Variants in DYNC2I1 observed in about 807,000 individuals in gnomAD.
DYNC2I1 encodes dynein 2 intermediate chain 1, also known as cytoplasmic dynein 2 intermediate chain 1.
A neutral mutation model predicts 133.4 loss-of-function variants in DYNC2I1; 89 were observed. The observed-to-expected ratio is 0.67, with a 90% CI of 0.56 to 0.80. DYNC2I1 has a LOEUF of 0.80. Among genes scored for constraint, DYNC2I1 ranks in the 30% least tolerant of loss-of-function variants. The probability of loss-of-function intolerance (pLI) is 0.00; values close to 1 mark genes in which losing one functional copy is unlikely to be tolerated. For missense variants in DYNC2I1, 1,291 were observed against 1,314.5 expected, an observed-to-expected ratio of 0.98 and a Z score of 0.28; for synonymous variants, 504 against 484.3, an observed-to-expected ratio of 1.04 and a Z score of -0.54.
intron 23 of DYNC2I1, among the ~76,000 whole-genome samples, chr7:158,935,158 G>A (rs758166756): frequency 6.6e-6 from 1 of 152,210 alleles, no homozygotes; most frequent in Admixed American, 6.5e-5. Flanking sequence ...AATGTTCAGA[G>A]TCTTGAACCT....
chr7:158,911,267 T>C (rs1332174885), intron 11 of DYNC2I1, among the ~76,000 whole-genome samples: 1 of 152,140 alleles, frequency 6.6e-6, no homozygotes. Context: ...TTGTGTTAGC[T>C]CAGGCATACG....
At chr7:158,910,413 C>T (rs113473578) in intron 11 of DYNC2I1, among the ~76,000 whole-genome samples, 5 of 82,418 alleles carry the variant, frequency 6.1e-5, no homozygotes, top group Admixed American at 1.4e-4. Flanking sequence ...CCTGTGGGAG[C>T]GCGATTGGCT....
rs889967130 is a variant in DYNC2I1 at position 158,856,587 on chromosome 7, G to T, written c.-149G>T. 2.3e-5 allele frequency: 18 copies of T among 794,468 alleles called. No individual in the cohort carries two copies. The highest frequency in any genetic ancestry group is 4.4e-5 in the Admixed American group (1 of 22,970). The allele number at this position is 794,468 out of a possible 1,614,324, so 49.2% of individuals were successfully genotyped here. ...GAGGCCGCAGGGCACGCTGGGCAGT[G>T]CTTCTGGGCCCTCTGCTGCTCCTGC... On this transcript the variant is annotated 5_prime_UTR_variant, in exon 1 of 25. Transcript: ENST00000407559.
intron 5 of DYNC2I1, among the ~76,000 whole-genome samples, chr7:158,881,717 T>G (rs911159364): frequency 2.6e-5 from 4 of 152,196 alleles, no homozygotes; most frequent in Admixed American, 6.5e-5. Context: ...CCTCCCAAAG[T>G]GCTGGGATTA....
chr7:158,926,565 G>A lies in DYNC2I1; in HGVS notation c.2433+102G>A, dbSNP rs1313552572. On this transcript the variant is annotated intron_variant, in intron 19 of 24. Coordinates refer to ENST00000407559, the MANE Select transcript of DYNC2I1 (RefSeq NM_018051.5). Reference sequence around the variant, plus strand: ...AGGGGGCGGGACCCAGTTAGCTGTGGTGGGAAACGGAGAGCAAGACTGGGC... The same window carrying A: ...AGGGGGCGGGACCCAGTTAGCTGTGATGGGAAACGGAGAGCAAGACTGGGC... 3.9e-6 allele frequency: 5 copies of A among 1,283,944 alleles called. No homozygotes were observed. In the African/African-American group the frequency reaches 6.0e-5, roughly 15 times the overall value. 79.5% of individuals were successfully genotyped at this position (1,283,944 alleles called of 1,614,324 possible).
At chr7:158,912,678 T>G (rs1366785156) in intron 12 of DYNC2I1, among the ~76,000 whole-genome samples, 1 of 152,224 alleles carries the variant, frequency 6.6e-6, no homozygotes, top group Non-Finnish European at 1.5e-5. Context: ...CTGAAGCATG[T>G]ACCTTTTGAA....
intron 7 of DYNC2I1, among the ~76,000 whole-genome samples, 184 bp downstream of exon 7, chr7:158,887,259 T>G (rs901176680): frequency 2.0e-5 from 3 of 148,000 alleles, no homozygotes; most frequent in Admixed American, 6.9e-5. Flanking sequence ...GCAAATTGAT[T>G]GAAAGTAAAA....
At position 158,887,076 on chromosome 7, in the gene DYNC2I1, G is replaced by A. The variant is rs1563114276; in HGVS notation, c.990+1G>A. ...AAAAGATAAAGATTCAAGACGGAAG[G>A]TAAGGCAGTCTCCACTGAGAATACA... On this transcript the variant is annotated splice_donor_variant, in intron 7 of 24. Coordinates refer to ENST00000407559, the MANE Select transcript of DYNC2I1 (RefSeq NM_018051.5). LOFTEE classifies it high-confidence loss of function. The A allele has an allele frequency of 6.2e-7, 1 of 1,613,372 alleles. No individual in the cohort carries two copies. The highest frequency in any genetic ancestry group is 1.7e-5 in the Admixed American group (1 of 59,998).
intron 8 of DYNC2I1, among the ~76,000 whole-genome samples, chr7:158,895,126 TACAGA>T (rs956693778): frequency 2.0e-5 from 3 of 152,242 alleles, no homozygotes; most frequent in Admixed American, 6.5e-5. Flanking sequence ...CATTGTCTCT[TACAGA>T]ACAGAAGTTT....
At chr7:158,948,305 G>A (rs1702), downstream of DYNC2I1, among the ~76,000 whole-genome samples, 3,339 of 152,358 alleles carry the variant, frequency 0.022, 59 homozygotes, top group Admixed American at 0.053. Context: ...CCACCCTGGT[G>A]CCTTGCTGCA....
At chr7:158,930,543 A>G (rs1441206236) in intron 21 of DYNC2I1, 28 bp downstream of exon 21, 3 of 1,595,158 alleles carry the variant, frequency 1.9e-6, no homozygotes, top group Non-Finnish European at 2.6e-6. Context: ...ATGCTTCACT[A>G]TCTCACAAAG....
chr7:158,877,744 A>T (rs1210779717), intron 4 of DYNC2I1, among the ~76,000 whole-genome samples: 1 of 151,750 alleles, frequency 6.6e-6, no homozygotes, highest in Non-Finnish European at 1.5e-5. Flanking sequence ...TCTGTCACCC[A>T]GGTTTGAGTG....
chr7:158,859,894 CTTT>C (rs1235430109), intron 1 of DYNC2I1, among the ~76,000 whole-genome samples: 5 of 152,116 alleles, frequency 3.3e-5, no homozygotes, highest in Non-Finnish European at 7.3e-5. Flanking sequence ...CGGTCTTTAA[CTTT>C]TTAGGAAGTT....
intron 19 of DYNC2I1, among the ~76,000 whole-genome samples, 166 bp downstream of exon 19, chr7:158,926,629 A>G (rs955094678): frequency 6.6e-6 from 1 of 152,226 alleles, no homozygotes; most frequent in Non-Finnish European, 1.5e-5. Flanking sequence ...AAGGCCACAC[A>G]TGGCAGGTTT....
chr7:158,936,438 C>T (rs1289240374), intron 23 of DYNC2I1, among the ~76,000 whole-genome samples: 3 of 152,170 alleles, frequency 2.0e-5, no homozygotes, highest in African/African-American at 7.2e-5. Flanking sequence ...TGTCCCTTCC[C>T]CCTTATTTGG....
rs777707290 is a variant in DYNC2I1 at position 158,934,427 on chromosome 7, A to G, written c.2656A>G (p.Ser886Gly). The change falls in exon 23 of 25, where the codon AGC becomes GGC. Residue 886 changes from serine to glycine, a missense_variant. By Grantham distance (56) the Ser-to-Gly change is moderately conservative. Transcript: ENST00000407559. Reference sequence around the variant, plus strand: ...GGCTTCTTCTTCACAGGGTCTCATAAGCCATGGCACAAGACAAGATTTGAG... The same window carrying G: ...GGCTTCTTCTTCACAGGGTCTCATAGGCCATGGCACAAGACAAGATTTGAG... ...FIIGTDMGLI[S>G]HGTRQDLRVA... 10 of 1,604,214 alleles carry G rather than the reference A, an allele frequency of 6.2e-6. No homozygotes were observed. The Admixed American group carries it at 1.7e-4, about 27-fold the overall frequency.
In DYNC2I1 at chr7:158,871,413, C is replaced by T; in HGVS notation, c.341C>T (p.Ser114Phe). 1 of 1,551,636 alleles carries T rather than the reference C, an allele frequency of 6.4e-7. No individual in the cohort carries two copies. The highest frequency in any genetic ancestry group is 1.2e-5 in the South Asian group (1 of 84,044). Residue 114 changes from serine to phenylalanine, a missense_variant, in exon 3 of 25, where the codon TCT becomes TTT. By Grantham distance (155) the Ser-to-Phe change is radical. Coordinates refer to ENST00000407559, the MANE Select transcript of DYNC2I1 (RefSeq NM_018051.5). Reference sequence around the variant, plus strand: ...GAGAAACATCGAGAGGCAGAAAAGTCTCACAGCAGAGGAAAGGACAGGGAA... The same window carrying T: ...GAGAAACATCGAGAGGCAGAAAAGTTTCACAGCAGAGGAAAGGACAGGGAA... The part of the protein sequence containing the change: ...LKEKHREAEK[S>F]HSRGKDREKE...
At chr7:158,898,487 C>T (rs1480872819) in intron 8 of DYNC2I1, among the ~76,000 whole-genome samples, 1 of 152,096 alleles carries the variant, frequency 6.6e-6, no homozygotes, top group Non-Finnish European at 1.5e-5. Flanking sequence ...GTGTAATGCC[C>T]TTCTTTATTC....
At chr7:158,874,357 G>A (rs569284523) in intron 3 of DYNC2I1, among the ~76,000 whole-genome samples, 2 of 152,132 alleles carry the variant, frequency 1.3e-5, no homozygotes, top group Non-Finnish European at 2.9e-5. Context: ...ATAGGCACGT[G>A]TCACCACGCC....
Sources: gnomAD v4.1 joint callset for allele counts (sites outside exome capture counted in the v4.1 genomes callset) on GRCh38, gnomAD v4.1.1 for gene constraint, MANE v1.5 for transcripts, NCBI Gene and HGNC (gene_info 2026-07-23, HGNC 2026-07-21) for gene names.